COL22A1: variants seen among roughly 807,000 people sequenced by gnomAD.
COL22A1 encodes the protein collagen alpha-1(XXII) chain.
COL22A1 carries 221 observed loss-of-function variants against 248.9 expected under a neutral mutation model. The observed-to-expected ratio is 0.89, with a 90% CI of 0.80 to 0.99. The LOEUF is 0.99. Ranked by LOEUF, COL22A1 falls within the 50% of genes least tolerant of loss-of-function variation. COL22A1 has a pLI of 0.00. For synonymous variants in COL22A1, 891 were observed against 793.4 expected, an observed-to-expected ratio of 1.12 and a Z score of -2.07; for missense variants, 2,240 against 2,179.0, an observed-to-expected ratio of 1.03 and a Z score of -0.56.
At position 138,821,157 on chromosome 8, in the gene COL22A1, G is replaced by C; in HGVS notation, c.1224C>G (p.Leu408=). 2 of 1,614,172 alleles carry C rather than the reference G, an allele frequency of 1.2e-6. No individual in the cohort carries two copies. Among genetic ancestry groups the C allele is most frequent in the South Asian group, 1.1e-5 (1 of 91,084 alleles). ...TCACGTCAATGGGCACACTGTCGTA[G>C]AGGCGCTTGCCAATCACAGTCTTGC... is the stretch of plus-strand genomic sequence containing the variant. ...IQGKTVIGKR[L]YDSVPIDFDL... Residue 408 remains leucine, a synonymous_variant, in exon 7 of 65, where the codon CTC becomes CTG. Coordinates refer to ENST00000303045, the MANE Select transcript of COL22A1 (RefSeq NM_152888.3).
At chr8:138,615,423 C>G (rs149750114) in intron 55 of COL22A1, among the ~76,000 whole-genome samples, 1 of 151,206 alleles carries the variant, frequency 6.6e-6, no homozygotes, top group African/African-American at 2.4e-5. Context: ...CCCAGTTACT[C>G]GGGAGGCTGA....
intron 56 of COL22A1, among the ~76,000 whole-genome samples, chr8:138,609,214 T>G (rs1324147764): frequency 6.6e-6 from 1 of 152,198 alleles, no homozygotes; most frequent in Non-Finnish European, 1.5e-5. Flanking sequence ...ATCACCCTTT[T>G]ACAAATGGGG....
chr8:138,617,086 G>T (rs1374658717), intron 53 of COL22A1, 128 bp from the exon 54 acceptor site: 1 of 947,588 alleles, frequency 1.1e-6, no homozygotes, highest in Non-Finnish European at 1.7e-6. Context: ...GCAGGATACT[G>T]AGCCCTACTT....
chr8:138,826,860 C>A (rs1358575706), intron 5 of COL22A1, 79 bp from the exon 6 acceptor site: 6 of 1,538,208 alleles, frequency 3.9e-6, no homozygotes, highest in South Asian at 1.2e-5. Flanking sequence ...CACAACCCAG[C>A]AGTGATCAAG....
At chr8:138,911,408 G>A (rs539761995) in intron 1 of COL22A1, among the ~76,000 whole-genome samples, 19 of 152,262 alleles carry the variant, frequency 1.2e-4, no homozygotes, top group African/African-American at 4.3e-4. Context: ...TCCTCTAAAT[G>A]CACTTCCACT....
At chr8:138,664,460 C>T (rs1014821310) in intron 41 of COL22A1, among the ~76,000 whole-genome samples, 1 of 152,114 alleles carries the variant, frequency 6.6e-6, no homozygotes, top group Non-Finnish European at 1.5e-5. Flanking sequence ...TCCATGAAGA[C>T]TCTGTCCTGC....
At chr8:138,734,199 C>T (rs890272262) in intron 23 of COL22A1, among the ~76,000 whole-genome samples, 4 of 152,128 alleles carry the variant, frequency 2.6e-5, no homozygotes, top group African/African-American at 4.8e-5. Flanking sequence ...CAATGACAGT[C>T]GTCTTCTGAT....
intron 1 of COL22A1, among the ~76,000 whole-genome samples, chr8:138,894,055 A>G (rs1825237149): frequency 6.6e-6 from 1 of 152,240 alleles, no homozygotes; most frequent in Admixed American, 6.5e-5. Context: ...GGAGCACAGT[A>G]GTTTGGAGGA....
rs1309587475 is a variant in COL22A1 at position 138,661,103 on chromosome 8, CACACAG to C, written c.3241-629_3241-624del. ...ATACACACAAACATACACACACACA[CACACAG>C]ACACACACACCCTGTCTTAAACTTT... On this transcript the variant is annotated intron_variant, in intron 43 of 64. Transcript: ENST00000303045. 3.1e-3 allele frequency among the ~76,000 whole-genome samples: 295 copies of C among 93,824 alleles called. 1 individual carries two copies. The highest frequency in any genetic ancestry group is 6.9e-3 in the African/African-American group (245 of 35,412). The allele number at this position is 93,824 out of a possible 152,430, so 61.6% of individuals were successfully genotyped here.
At chr8:138,784,314 AG>A (rs2131547629) in intron 12 of COL22A1, among the ~76,000 whole-genome samples, 1 of 152,314 alleles carries the variant, frequency 6.6e-6, no homozygotes, top group East Asian at 1.9e-4. Flanking sequence ...TGGGAAGGAT[AG>A]GGGATTTCTG....
At position 138,778,376 on chromosome 8, in the gene COL22A1, GT is replaced by G; in HGVS notation, c.1734del (p.Pro579LeufsTer77). ...ACAGGAGCTCCGACACGTCCAGGAGGTCCGGGGAGTCCAGGTGGTCCTTGGG... is the reference window on the plus strand; with the variant it reads ...ACAGGAGCTCCGACACGTCCAGGAGGCCGGGGAGTCCAGGTGGTCCTTGGG... ...RGPQGPPGLPGPPGRVGAPGL... is the reference protein window; with the variant it reads ...RGPQGPPGLPXPPGRVGAPGL... On this transcript the variant is annotated frameshift_variant, in exon 15 of 65. Coordinates refer to ENST00000303045, the MANE Select transcript of COL22A1 (RefSeq NM_152888.3). LOFTEE classifies it high-confidence loss of function. 6.2e-7 allele frequency: 1 copy of G among 1,611,812 alleles called. No homozygotes were observed. Among genetic ancestry groups the G allele is most frequent in the Non-Finnish European group, 8.5e-7 (1 of 1,179,278 alleles).
At chr8:138,801,921 G>A (rs1358633642) in intron 11 of COL22A1, among the ~76,000 whole-genome samples, 1 of 151,834 alleles carries the variant, frequency 6.6e-6, no homozygotes, top group Non-Finnish European at 1.5e-5. Flanking sequence ...AAGGTCACAC[G>A]GCTAATAAAG....
At chr8:138,692,463 A>ATGTGTGTGTG (rs145298366) in intron 35 of COL22A1, among the ~76,000 whole-genome samples, 4 of 136,014 alleles carry the variant, frequency 2.9e-5, no homozygotes, top group African/African-American at 1.1e-4. Flanking sequence ...GTGTGAGTGC[A>ATGTGTGTGTG]TGTGTGTGTG....
intron 45 of COL22A1, among the ~76,000 whole-genome samples, chr8:138,654,017 C>T (rs1394903530): frequency 1.3e-5 from 2 of 152,220 alleles, no homozygotes; most frequent in Admixed American, 1.3e-4. Flanking sequence ...ATGAGCACAG[C>T]TGTATCCTTT....
intron 56 of COL22A1, among the ~76,000 whole-genome samples, chr8:138,610,916 A>T (rs1441619255): frequency 1.3e-5 from 2 of 152,090 alleles, no homozygotes; most frequent in African/African-American, 4.8e-5. Context: ...TTTTTTTTAA[A>T]TTCGCTGGGC....
intron 16 of COL22A1, among the ~76,000 whole-genome samples, chr8:138,775,502 T>C (rs1814358592): frequency 6.6e-6 from 1 of 152,196 alleles, no homozygotes; most frequent in Non-Finnish European, 1.5e-5. Flanking sequence ...GTTTGGTGAC[T>C]GTGGCTCAAA....
At position 138,890,149 on chromosome 8, in the gene COL22A1, C is replaced by A. The variant is rs567327332; in HGVS notation, c.-72-6905G>T. On this transcript the variant is annotated intron_variant, in intron 1 of 64. Coordinates refer to ENST00000303045, the MANE Select transcript of COL22A1 (RefSeq NM_152888.3). ...GGAAGAAGAAAATACATAGTGAATC[C>A]AACTGATGCAGAAAAAGCATTTGAC... Among the ~76,000 whole-genome samples, 10 of 152,072 alleles carry A rather than the reference C, an allele frequency of 6.6e-5. No homozygotes were observed. In the South Asian group the frequency reaches 2.1e-3, roughly 32 times the overall value.
intron 1 of COL22A1, among the ~76,000 whole-genome samples, chr8:138,902,893 T>C (rs1307626803): frequency 1.3e-5 from 2 of 151,664 alleles, no homozygotes; most frequent in African/African-American, 2.4e-5. Flanking sequence ...CCAAACGCGG[T>C]TGGTCTCAGG....
intron 16 of COL22A1, among the ~76,000 whole-genome samples, chr8:138,766,727 C>T (rs1411974311): frequency 3.9e-5 from 6 of 152,068 alleles, no homozygotes; most frequent in Admixed American, 3.9e-4. Flanking sequence ...GGGAGAGAGA[C>T]AGAAGATGTG....
Sources: allele counts gnomAD v4.1 joint callset (sites outside exome capture counted in the v4.1 genomes callset), GRCh38; gene constraint gnomAD v4.1.1; transcripts MANE v1.5; gene names NCBI Gene and HGNC (gene_info 2026-07-23, HGNC 2026-07-21).